RBCK1: variants seen among roughly 807,000 people sequenced by gnomAD.
RBCK1 encodes RANBP2-type and C3HC4-type zinc finger containing 1.
Under a neutral mutation model 71.1 loss-of-function variants are expected in RBCK1, and 44 were observed. The ratio of observed to expected loss-of-function variants is 0.62; its 90% confidence interval spans 0.49 to 0.80. The LOEUF (loss-of-function observed/expected upper bound fraction) is 0.80, where lower values mean the gene tolerates loss of function less well. RBCK1 is among the 30% of genes least tolerant of loss of function. The probability of loss-of-function intolerance (pLI) is 0.00; values close to 1 mark genes in which losing one functional copy is unlikely to be tolerated. For missense variants in RBCK1, 569 were observed against 685.0 expected, an observed-to-expected ratio of 0.83 and a Z score of 1.89; for synonymous variants, 306 against 279.7, an observed-to-expected ratio of 1.09 and a Z score of -0.94.
intron 4 of RBCK1, among the ~76,000 whole-genome samples, chr20:418,456 A>C (rs143566046): frequency 0.021 from 3,161 of 150,790 alleles, 99 homozygotes; most frequent in East Asian, 0.11. Flanking sequence ...GCAAGCTCCG[A>C]CTCCCGGGTT....
At position 430,696 on chromosome 20, in the gene RBCK1, C is replaced by A; in HGVS notation, c.*266C>A. 1 of 525,364 alleles carries A rather than the reference C, an allele frequency of 1.9e-6. No homozygotes were observed. Among genetic ancestry groups the A allele is most frequent in the Non-Finnish European group, 3.5e-6 (1 of 289,596 alleles). The allele number at this position is 525,364 out of a possible 1,614,324, so 32.5% of individuals were successfully genotyped here. A position where few individuals can be genotyped will look rare whatever the true frequency, so the allele number is the denominator to read the frequency against. Reference sequence around the variant, plus strand: ...TGGCCAGAGGCCTTGCTGGGTGGAGCCTCTGTGTGACTCCATACTCCTCCC... The same window carrying A: ...TGGCCAGAGGCCTTGCTGGGTGGAGACTCTGTGTGACTCCATACTCCTCCC... On this transcript the variant is annotated 3_prime_UTR_variant, in exon 12 of 12. Transcript: ENST00000356286. The surrounding 1 kb of genome is among the most constrained non-coding windows in gnomAD (Gnocchi z 5.6).
chr20:417,354 TAAAG>T lies in RBCK1; in HGVS notation c.168-171_168-168del, dbSNP rs1184973779. Reference sequence around the variant, plus strand: ...GAGGGGCCTAACTGGTGGGTTCTAATAAAGGAAGAAGCATGGGTGGGGCCTACCC... The same window carrying T: ...GAGGGGCCTAACTGGTGGGTTCTAATGAAGAAGCATGGGTGGGGCCTACCC... On this transcript the variant is annotated intron_variant, in intron 2 of 11. Transcript: ENST00000356286. This position sits in a 1 kb window ranked among gnomAD's most constrained non-coding sequence, Gnocchi z 4.7. The T allele has an allele frequency of 9.4e-6, 7 of 747,562 alleles. No homozygotes were observed. The highest frequency in any genetic ancestry group is 1.7e-5 in the African/African-American group (1 of 58,304). The allele number at this position is 747,562 out of a possible 1,614,324, so 46.3% of individuals were successfully genotyped here.
At position 428,775 on chromosome 20, in the gene RBCK1, A is replaced by G. The variant is rs2016866226; in HGVS notation, c.1309-176A>G. 2 of 1,416,896 alleles carry G rather than the reference A, an allele frequency of 1.4e-6. No individual in the cohort carries two copies. The highest frequency in any genetic ancestry group is 2.9e-5 in the African/African-American group (2 of 68,342). The allele number at this position is 1,416,896 out of a possible 1,614,324, so 87.8% of individuals were successfully genotyped here. On this transcript the variant is annotated intron_variant, in intron 10 of 11. Coordinates refer to ENST00000356286, the MANE Select transcript of RBCK1 (RefSeq NM_031229.4). The surrounding 1 kb of genome is among the most constrained non-coding windows in gnomAD (Gnocchi z 5.7). ...CATGTCAGGAAGAGCGTCTGGGTGGAGGGTGGAGACCACAGGAATGAAGAG... is the reference window on the plus strand; with the variant it reads ...CATGTCAGGAAGAGCGTCTGGGTGGGGGGTGGAGACCACAGGAATGAAGAG...
chr20:417,506 GC>G lies in RBCK1; in HGVS notation c.168-16del, dbSNP rs1373987876. 5.0e-6 allele frequency: 8 copies of G among 1,610,254 alleles called. No individual in the cohort carries two copies. In the East Asian group the frequency reaches 1.8e-4, roughly 36 times the overall value. On this transcript the variant is annotated intron_variant, in intron 2 of 11. Coordinates refer to ENST00000356286, the MANE Select transcript of RBCK1 (RefSeq NM_031229.4). The surrounding 1 kb of genome is among the most constrained non-coding windows in gnomAD (Gnocchi z 4.7). ...GACCCCTGGCCAGAGCCCATGCTGAGCCCCTGCTGTTCTCTGCAGGCTGTGG... is the reference window on the plus strand; with the variant it reads ...GACCCCTGGCCAGAGCCCATGCTGAGCCCTGCTGTTCTCTGCAGGCTGTGG...
rs796794713 is a variant in RBCK1 at position 422,851 on chromosome 20, TAGTC to T, written c.1029+616_1029+619del. ...TGCCTCAAAAAAAGAAAAAAAAAAT[TAGTC>T]AGGGAACTCTGGAGCCTGGTGGCCT... is the stretch of plus-strand genomic sequence containing the variant. On this transcript the variant is annotated intron_variant, in intron 8 of 11. Coordinates refer to ENST00000356286, the MANE Select transcript of RBCK1 (RefSeq NM_031229.4). The surrounding 1 kb of genome is among the most constrained non-coding windows in gnomAD (Gnocchi z 5.0). 2.2e-3 allele frequency among the ~76,000 whole-genome samples: 335 copies of T among 151,714 alleles called. 1 individual carries two copies. Among genetic ancestry groups the T allele is most frequent in the African/African-American group, 7.2e-3 (297 of 41,368 alleles).
intron 6 of RBCK1, 47 bp from the exon 7 acceptor site, chr20:420,824 G>A (rs771183032): frequency 2.0e-6 from 3 of 1,477,766 alleles, no homozygotes; most frequent in South Asian, 1.2e-5. Context: ...GGTCTGACCC[G>A]CCCCCGAGGC....
chr20:418,994 C>T (rs1023058403), intron 4 of RBCK1, among the ~76,000 whole-genome samples: 5 of 152,014 alleles, frequency 3.3e-5, no homozygotes, highest in Non-Finnish European at 7.4e-5. Flanking sequence ...TTTTTTTTGG[C>T]GGGGGTTGGG....
chr20:419,795 G>A, intron 6 of RBCK1, 64 bp downstream of exon 6: 7 of 1,495,708 alleles, frequency 4.7e-6, no homozygotes, highest in Non-Finnish European at 6.2e-6. Flanking sequence ...GGCCAGGAAG[G>A]GAGACACCTG....
At chr20:409,687 G>A (rs1310910602) in intron 1 of RBCK1, 194 bp from the exon 2 acceptor site, 14 of 729,554 alleles carry the variant, frequency 1.9e-5, no homozygotes, top group East Asian at 2.6e-5. Context: ...CTAGTGTGAG[G>A]AGGAGTGGGG....
chr20:429,423 T>C (rs1315117951), intron 11 of RBCK1, among the ~76,000 whole-genome samples: 2 of 152,070 alleles, frequency 1.3e-5, no homozygotes, highest in East Asian at 1.9e-4. Context: ...ACGGGGTTTC[T>C]CCATGTTGGT....
At chr20:409,775 CAG>C in intron 1 of RBCK1, 104 bp from the exon 2 acceptor site, 3 of 1,495,834 alleles carry the variant, frequency 2.0e-6, no homozygotes, top group Non-Finnish European at 2.7e-6. Context: ...ACCAGGAAGA[CAG>C]AGAAAGCAGC....
intron 2 of RBCK1, among the ~76,000 whole-genome samples, chr20:413,769 G>T (rs527665614): frequency 6.6e-6 from 1 of 152,026 alleles, no homozygotes; most frequent in Non-Finnish European, 1.5e-5. Flanking sequence ...TGGACCCGAT[G>T]CTTCCTAGCA....
Position 423,155 on chromosome 20 carries a change from C to T in RBCK1, c.1029+917C>T, listed in dbSNP as rs1284106269. Among the ~76,000 whole-genome samples, 9 of 152,244 alleles carry T rather than the reference C, an allele frequency of 5.9e-5. No individual in the cohort carries two copies. The South Asian group carries it at 1.0e-3, about 18-fold the overall frequency. On this transcript the variant is annotated intron_variant, in intron 8 of 11. Coordinates refer to ENST00000356286, the MANE Select transcript of RBCK1 (RefSeq NM_031229.4). Reference sequence around the variant, plus strand: ...TCTCTACTAAAAATAGAAAATTAGCCGGGTGTGGTGGCGCATGCCTGTAAT... The same window carrying T: ...TCTCTACTAAAAATAGAAAATTAGCTGGGTGTGGTGGCGCATGCCTGTAAT...
chr20:422,039 C>G lies in RBCK1; in HGVS notation c.918-88C>G, dbSNP rs779463535. The G allele has an allele frequency of 2.9e-6, 3 of 1,019,052 alleles. No individual in the cohort carries two copies. Among genetic ancestry groups the G allele is most frequent in the Non-Finnish European group, 4.5e-6 (3 of 674,076 alleles). The allele number at this position is 1,019,052 out of a possible 1,614,324, so 63.1% of individuals were successfully genotyped here. The stretch of plus-strand genomic sequence containing the variant: ...CACCTGGGGTGACTGAGTGAGGCCC[C>G]TGGGGTCAGGCCTTGCCATGTGAGG... On this transcript the variant is annotated intron_variant, in intron 7 of 11. Transcript: ENST00000356286. The surrounding 1 kb of genome is among the most constrained non-coding windows in gnomAD (Gnocchi z 5.0).
At chr20:419,256 G>A (rs918298949) in intron 4 of RBCK1, 91 bp from the exon 5 acceptor site, 1 of 1,554,748 alleles carries the variant, frequency 6.4e-7, no homozygotes, top group Non-Finnish European at 8.7e-7. Flanking sequence ...ATAGGGGGAG[G>A]GTCTGCCTGG....
chr20:427,521 A>T (rs774006712), intron 9 of RBCK1, 29 bp downstream of exon 9: 5 of 1,609,154 alleles, frequency 3.1e-6, no homozygotes, highest in Non-Finnish European at 4.2e-6. Context: ...CCCCCCACCT[A>T]GTCACTGTCA....
In RBCK1 at chr20:408,543, C is replaced by T. The variant is rs2015504694; in HGVS notation, c.-215C>T. ...CCTGTCTCGGCGCCCGCTGCCCTCT[C>T]ACCGCCCCACGCAGGATCCCGGCCT... On this transcript the variant is annotated 5_prime_UTR_variant, in exon 1 of 12. Transcript: ENST00000356286. 1.1e-5 allele frequency: 7 copies of T among 629,660 alleles called. No homozygotes were observed. In the Admixed American group the frequency reaches 1.8e-4, roughly 16 times the overall value. 39.0% of individuals were successfully genotyped at this position (629,660 alleles called of 1,614,324 possible).
chr20:425,623 ATTCTT>A (rs891611602), intron 8 of RBCK1, among the ~76,000 whole-genome samples: 31 of 130,066 alleles, frequency 2.4e-4, no homozygotes, highest in Non-Finnish European at 2.8e-4. Context: ...TGCATGGTGT[ATTCTT>A]TTTTTTTTTT....
chr20:418,004 G>A lies in RBCK1; in HGVS notation c.460+74G>A. 16 of 1,451,022 alleles carry A rather than the reference G, an allele frequency of 1.1e-5. No individual in the cohort carries two copies. In the South Asian group the frequency reaches 2.1e-4, roughly 19 times the overall value. 89.9% of individuals were successfully genotyped at this position (1,451,022 alleles called of 1,614,324 possible). On this transcript the variant is annotated intron_variant, in intron 4 of 11. Coordinates refer to ENST00000356286, the MANE Select transcript of RBCK1 (RefSeq NM_031229.4). Reference sequence around the variant, plus strand: ...CACTTGAGGGCATAGGGCAAGCAGGGGCAGAGCCCCTGGGTTTTTAGTCAG... The same window carrying A: ...CACTTGAGGGCATAGGGCAAGCAGGAGCAGAGCCCCTGGGTTTTTAGTCAG...
Sources: allele counts gnomAD v4.1 joint callset (sites outside exome capture counted in the v4.1 genomes callset), GRCh38; gene constraint gnomAD v4.1.1; non-coding constraint Gnocchi (gnomAD v3.1); transcripts MANE v1.5; gene names NCBI Gene and HGNC (gene_info 2026-07-23, HGNC 2026-07-21).